ARHGAP12: variants seen among roughly 807,000 people sequenced by gnomAD.
ARHGAP12 encodes rho GTPase-activating protein 12.
Under a neutral mutation model 108.6 loss-of-function variants are expected in ARHGAP12, and 64 were observed. The ratio of observed to expected loss-of-function variants is 0.59; its 90% CI spans 0.48 to 0.73. The LOEUF (loss-of-function observed/expected upper bound fraction) is 0.73, where lower values mean the gene tolerates loss of function less well. Among genes scored for constraint, ARHGAP12 ranks in the 30% least tolerant of loss-of-function variants. The pLI is 0.00. For missense variants in ARHGAP12, 940 were observed against 1,005.9 expected (o/e 0.93, Z 0.89); for synonymous variants, 312 against 337.2 (o/e 0.93, Z 0.82).
At chr10:31,877,501 T>C (rs1288882544) in intron 3 of ARHGAP12, among the ~76,000 whole-genome samples, 1 of 152,226 alleles carries the variant, frequency 6.6e-6, no homozygotes, top group Non-Finnish European at 1.5e-5. Context: ...TGATTGTGTA[T>C]AAAGAACAGC....
chr10:31,856,771 CTGAG>C (rs1013581048), intron 4 of ARHGAP12, among the ~76,000 whole-genome samples: 3 of 152,208 alleles, frequency 2.0e-5, no homozygotes, highest in Non-Finnish European at 2.9e-5. Context: ...TCAAAACACC[CTGAG>C]TAAGAGTCAG....
At chr10:31,832,621 A>G (rs1262310433) in intron 9 of ARHGAP12, among the ~76,000 whole-genome samples, 2 of 152,226 alleles carry the variant, frequency 1.3e-5, no homozygotes, top group African/African-American at 4.8e-5. Flanking sequence ...GTATGAGACA[A>G]TAGTCAATTT....
intron 3 of ARHGAP12, among the ~76,000 whole-genome samples, chr10:31,876,677 TG>T (rs1837745967): frequency 6.6e-6 from 1 of 152,192 alleles, no homozygotes; most frequent in African/African-American, 2.4e-5. Context: ...GCAATTTAGT[TG>T]ACCTTCCTTA....
chr10:31,817,637 G>A (rs1331109591), intron 13 of ARHGAP12, 151 bp downstream of exon 13: 3 of 548,280 alleles, frequency 5.5e-6, no homozygotes, highest in Non-Finnish European at 9.5e-6. Context: ...CTGGGGGGCT[G>A]CTAAATTGAC....
rs1835122855 is a variant in ARHGAP12 at position 31,814,292 on chromosome 10, C to G, written c.1801G>C (p.Glu601Gln). 1 of 1,614,028 alleles carries G rather than the reference C, an allele frequency of 6.2e-7. No individual in the cohort carries two copies. Among genetic ancestry groups the G allele is most frequent in the Non-Finnish European group, 8.5e-7 (1 of 1,179,946 alleles). Residue 601 changes from glutamate to glutamine, a missense_variant, in exon 14 of 20, where the codon GAA becomes CAA. Coordinates refer to ENST00000344936, the MANE Select transcript of ARHGAP12 (RefSeq NM_018287.7). ...DSPGIEKHDK[E>Q]KEQKDPKKLR... ...TTTTTGGGATCCTTTTGTTCCTTTT[C>G]TTTATCATGCTTTTCTATTCCTGGT...
intron 1 of ARHGAP12, chr10:31,913,368 C>T: frequency 6.2e-6 from 1 of 160,032 alleles, no homozygotes. Flanking sequence ...TGAAAGCCTA[C>T]ACCCCTCCTA....
At chr10:31,856,122 G>A (rs1564392763) in intron 4 of ARHGAP12, among the ~76,000 whole-genome samples, 1 of 152,106 alleles carries the variant, frequency 6.6e-6, no homozygotes, top group Non-Finnish European at 1.5e-5. Flanking sequence ...AGAATGGCAG[G>A]TAGGTATCCC....
At chr10:31,812,877 A>G in intron 14 of ARHGAP12, 54 bp from the exon 15 acceptor site, 1 of 1,039,368 alleles carries the variant, frequency 9.6e-7, no homozygotes, top group African/African-American at 1.6e-5. Context: ...TTTTTTTGAT[A>G]CAAGTTTTTC....
At chr10:31,867,901 TA>T (rs147528775) in intron 3 of ARHGAP12, among the ~76,000 whole-genome samples, 7,852 of 145,764 alleles carry the variant, frequency 0.054, 632 homozygotes, top group African/African-American at 0.18. Context: ...ATTTCTGATT[TA>T]AAAAAAAAAA....
At chr10:31,890,355 T>G (rs1325445007) in intron 3 of ARHGAP12, among the ~76,000 whole-genome samples, 1 of 152,200 alleles carries the variant, frequency 6.6e-6, no homozygotes, top group Non-Finnish European at 1.5e-5. Flanking sequence ...GATTGGAACT[T>G]CAAGCATATT....
chr10:31,812,857 A>T, intron 14 of ARHGAP12, 34 bp from the exon 15 acceptor site: 2 of 1,300,146 alleles, frequency 1.5e-6, no homozygotes, highest in Non-Finnish European at 2.1e-6. Flanking sequence ...GAGCATTTGT[A>T]AAAATAAAGT....
At chr10:31,822,630 G>A (rs544174953) in intron 11 of ARHGAP12, among the ~76,000 whole-genome samples, 1 of 152,266 alleles carries the variant, frequency 6.6e-6, no homozygotes, top group Admixed American at 6.5e-5. Flanking sequence ...GCCATTGGGA[G>A]GAATCATGTC....
At chr10:31,895,746 C>T (rs576843522) in intron 3 of ARHGAP12, among the ~76,000 whole-genome samples, 22 of 152,284 alleles carry the variant, frequency 1.4e-4, no homozygotes, top group African/African-American at 5.3e-4. Flanking sequence ...TGGGTATATA[C>T]CCCAAGAATT....
intron 1 of ARHGAP12, among the ~76,000 whole-genome samples, chr10:31,919,485 C>T (rs1592385555): frequency 6.6e-6 from 1 of 152,186 alleles, no homozygotes; most frequent in East Asian, 1.9e-4. Context: ...GAAGCTCTTA[C>T]AAATCCTCTT....
intron 3 of ARHGAP12, among the ~76,000 whole-genome samples, chr10:31,864,654 T>C (rs1311216435): frequency 2.6e-5 from 4 of 152,250 alleles, no homozygotes; most frequent in Non-Finnish European, 5.9e-5. Context: ...ATTAGGGATT[T>C]GGAACCAGTT....
intron 10 of ARHGAP12, 30 bp downstream of exon 10, chr10:31,831,707 CAT>C: frequency 7.1e-7 from 1 of 1,415,834 alleles, no homozygotes; most frequent in Non-Finnish European, 9.8e-7. Context: ...TCAGATGAAT[CAT>C]GTAAGAACAT....
At chr10:31,866,029 A>T (rs1390522122) in intron 3 of ARHGAP12, among the ~76,000 whole-genome samples, 1 of 152,216 alleles carries the variant, frequency 6.6e-6, no homozygotes, top group Admixed American at 6.5e-5. Context: ...ATGAGAACAT[A>T]AGTTTAAAGT....
At chr10:31,918,770 T>C (rs1827288943) in intron 1 of ARHGAP12, among the ~76,000 whole-genome samples, 1 of 152,198 alleles carries the variant, frequency 6.6e-6, no homozygotes, top group African/African-American at 2.4e-5. Flanking sequence ...CTAAAACTCT[T>C]GTGCACTGCT....
intron 3 of ARHGAP12, among the ~76,000 whole-genome samples, chr10:31,881,427 T>C (rs545168674): frequency 4.6e-5 from 7 of 152,244 alleles, no homozygotes; most frequent in Non-Finnish European, 8.8e-5. Flanking sequence ...TATACATTTA[T>C]TTTAAGACTT....
Sources: gnomAD v4.1 joint callset for allele counts (sites outside exome capture counted in the v4.1 genomes callset) on GRCh38, gnomAD v4.1.1 for gene constraint, MANE v1.5 for transcripts, NCBI Gene and HGNC (gene_info 2026-07-23, HGNC 2026-07-21) for gene names.